NUP205: variants seen among roughly 807,000 people sequenced by gnomAD.
NUP205 encodes the protein nuclear pore complex protein Nup205.
A neutral mutation model predicts 253.8 loss-of-function variants in NUP205; 76 were observed. The observed-to-expected ratio is 0.30, with a 90% CI of 0.25 to 0.36. The LOEUF (loss-of-function observed/expected upper bound fraction) is 0.36, where lower values mean the gene tolerates loss of function less well. NUP205 is among the 10% of genes least tolerant of loss of function. The probability of loss-of-function intolerance (pLI) is 1.00; values close to 1 mark genes in which losing one functional copy is unlikely to be tolerated. For missense variants in NUP205, 2,162 were observed against 2,425.5 expected (o/e 0.89, Z 2.28); for synonymous variants, 832 against 850.1 (o/e 0.98, Z 0.37).
chr7:135,604,993 T>C lies in NUP205; in HGVS notation c.2823+533T>C, dbSNP rs562508077. Among the ~76,000 whole-genome samples, 4 of 152,312 alleles carry C rather than the reference T, an allele frequency of 2.6e-5. No individual in the cohort carries two copies. The South Asian group carries it at 8.3e-4, about 32-fold the overall frequency. ...TGCGGAATCTGCTTTTTTTTTTCTT[T>C]ATGAACATTTCATCCCATTGTATCT... On this transcript the variant is annotated intron_variant, in intron 19 of 42. Coordinates refer to ENST00000285968, the MANE Select transcript of NUP205 (RefSeq NM_015135.3).
chr7:135,565,323 C>T (rs1805720964), intron 1 of NUP205, among the ~76,000 whole-genome samples: 1 of 152,036 alleles, frequency 6.6e-6, no homozygotes, highest in African/African-American at 2.4e-5. Context: ...ATCATTAATA[C>T]CTTCCCTTTA....
intron 9 of NUP205, 51 bp from the exon 10 acceptor site, chr7:135,587,804 T>C (rs1806512248): frequency 6.4e-7 from 1 of 1,554,024 alleles, no homozygotes; most frequent in African/African-American, 1.4e-5. Context: ...TTATTGAAAG[T>C]AATTTTTCAG....
At chr7:135,614,868 A>G (rs1794322116) in intron 23 of NUP205, among the ~76,000 whole-genome samples, 1 of 152,196 alleles carries the variant, frequency 6.6e-6, no homozygotes, top group Admixed American at 6.5e-5. Context: ...GTTTTTTAAA[A>G]GTTTAGCTTG....
chr7:135,604,353 G>A lies in NUP205; in HGVS notation c.2716G>A (p.Gly906Ser), dbSNP rs1212584642. 6.2e-7 allele frequency: 1 copy of A among 1,610,644 alleles called. No homozygotes were observed. Among genetic ancestry groups the A allele is most frequent in the Admixed American group, 1.7e-5 (1 of 59,384 alleles). The change falls in exon 19 of 43, where the codon GGC becomes AGC. Residue 906 changes from glycine to serine, a missense_variant. By Grantham distance (56) the Gly-to-Ser change is moderately conservative. Around this residue, in one of 5 missense-constraint regions of NUP205, gnomAD observed 892 missense variants for 957.1 expected, o/e 0.93. Transcript: ENST00000285968. The stretch of plus-strand genomic sequence containing the variant: ...TTTTCTTTAAAGATACCTATATCAT[G>A]GCAATACTAATCCAGAATTGGCTTT... ...VVNIARYLYH[G>S]NTNPELAFES...
intron 7 of NUP205, among the ~76,000 whole-genome samples, chr7:135,583,321 A>C (rs920512120): frequency 5.9e-5 from 9 of 152,136 alleles, no homozygotes; most frequent in Admixed American, 5.9e-4. Flanking sequence ...TTATATTCAA[A>C]ATTTAAGAGC....
Position 135,597,420 on chromosome 7 carries a change from TA to T in NUP205, c.2064+5del, listed in dbSNP as rs1360133074. The T allele has an allele frequency of 1.9e-6, 3 of 1,598,948 alleles. No individual in the cohort carries two copies. Among genetic ancestry groups the T allele is most frequent in the Middle Eastern group, 1.7e-4 (1 of 6,030 alleles). Reference sequence around the variant, plus strand: ...CAAAGGCAAGCTATTGGTATTGAGGTAAAGTTTTCCTTTTAGTTTAAATGTT... The same window carrying T: ...CAAAGGCAAGCTATTGGTATTGAGGTAAGTTTTCCTTTTAGTTTAAATGTT... On this transcript the variant is annotated splice_donor_region_variant and intron_variant, in intron 14 of 42. Transcript: ENST00000285968.
intron 38 of NUP205, among the ~76,000 whole-genome samples, chr7:135,640,210 G>C (rs1397460431): frequency 6.6e-6 from 1 of 152,102 alleles, no homozygotes; most frequent in Non-Finnish European, 1.5e-5. Flanking sequence ...ATGTATCCCA[G>C]AACTTCAAGT....
rs2129490733 is a variant in NUP205, at chr7:135,607,232, T to C, written c.3071-15T>C. 1 of 1,593,138 alleles carries C rather than the reference T, an allele frequency of 6.3e-7. No individual in the cohort carries two copies. The highest frequency in any genetic ancestry group is 1.2e-5 in the South Asian group (1 of 86,486). On this transcript the variant is annotated splice_polypyrimidine_tract_variant and intron_variant, in intron 21 of 42. Transcript: ENST00000285968. ...TTCTAAAAGAAAAGTTGAATTTCTT[T>C]TTGGTTTCATGCAGGAGTGTTAGGT...
intron 2 of NUP205, 134 bp downstream of exon 2, chr7:135,571,381 A>T: frequency 2.4e-6 from 1 of 409,782 alleles, no homozygotes. Flanking sequence ...CAGTCTCATG[A>T]GGTCCTGATG....
intron 10 of NUP205, among the ~76,000 whole-genome samples, chr7:135,589,619 G>A (rs1303664951): frequency 6.6e-6 from 1 of 151,232 alleles, no homozygotes; most frequent in Non-Finnish European, 1.5e-5. Flanking sequence ...TATTGTTTCA[G>A]TGTTTTTCTC....
In NUP205 at chr7:135,571,245, C is replaced by G. The variant is rs924327711; in HGVS notation, c.169C>G (p.Pro57Ala). 2 of 1,392,374 alleles carry G rather than the reference C, an allele frequency of 1.4e-6. No individual in the cohort carries two copies. The highest frequency in any genetic ancestry group is 5.7e-5 in the Admixed American group (2 of 35,248). The allele number at this position is 1,392,374 out of a possible 1,614,324, so 86.3% of individuals were successfully genotyped here. The change falls in exon 2 of 43, where the codon CCG becomes GCG. Residue 57 changes from proline to alanine, a missense_variant and splice_region_variant. Coordinates refer to ENST00000285968, the MANE Select transcript of NUP205 (RefSeq NM_015135.3). ...TGACTTCATCTCATTGTTCAAAAAT[C>G]CGGTAAGAAATTTTCTTTTTCAGTT... ...KPDFISLFKN[P>A]PKNVQQHEKV...
chr7:135,610,134 A>C (rs994599367), intron 22 of NUP205, among the ~76,000 whole-genome samples: 1 of 152,124 alleles, frequency 6.6e-6, no homozygotes, highest in Admixed American at 6.5e-5. Flanking sequence ...ATTTTTGTTA[A>C]AGTTGTTCTA....
chr7:135,577,413 A>G (rs1267951671), intron 5 of NUP205, among the ~76,000 whole-genome samples: 1 of 152,172 alleles, frequency 6.6e-6, no homozygotes, highest in East Asian at 1.9e-4. Context: ...GGAACATTCA[A>G]AATTCACTGT....
rs376963563 is a variant in NUP205, at chr7:135,584,916, T to A, written c.1127T>A (p.Val376Glu). The part of the protein sequence containing the change: ...DNVFLFLMES[V>E]VVSEYFYQEE... ...GTTTTCCTGTTCCTCATGGAATCTG[T>A]AGTGGTATCAGAATACTTTTATCAG... is the stretch of plus-strand genomic sequence containing the variant. Residue 376 changes from valine (V) to glutamate (E), a missense_variant, in exon 8 of 43, where the codon GTA becomes GAA. Val to Glu is a moderately radical substitution (Grantham distance 121). Coordinates refer to ENST00000285968, the MANE Select transcript of NUP205 (RefSeq NM_015135.3). The A allele has an allele frequency of 6.2e-7, 1 of 1,613,520 alleles. No homozygotes were observed. Among genetic ancestry groups the A allele is most frequent in the African/African-American group, 1.3e-5 (1 of 74,934 alleles).
rs890620058 is a variant in NUP205 at position 135,610,178 on chromosome 7, T to C, written c.3195+2807T>C. 1.3e-5 allele frequency among the ~76,000 whole-genome samples: 2 copies of C among 152,236 alleles called. 1 individual carries two copies. The highest frequency in any genetic ancestry group is 3.8e-4 in the East Asian group (2 of 5,202). ...AACACTCTACTAGCCAAGGAAAACA[T>C]GTCCATACCAGCAGTTTACCAGTTT... On this transcript the variant is annotated intron_variant, in intron 22 of 42. Transcript: ENST00000285968.
chr7:135,632,713 A>G (rs1371485841), intron 35 of NUP205, among the ~76,000 whole-genome samples: 2 of 151,782 alleles, frequency 1.3e-5, no homozygotes, highest in Non-Finnish European at 2.9e-5. Context: ...CTAAGATGAT[A>G]CCAAGTCAGG....
Position 135,617,073 on chromosome 7 carries a change from CT to C in NUP205, c.3533-12del. 7 of 1,581,702 alleles carry C rather than the reference CT, an allele frequency of 4.4e-6. No homozygotes were observed. Among genetic ancestry groups the C allele is most frequent in the Non-Finnish European group, 5.2e-6 (6 of 1,161,754 alleles). On this transcript the variant is annotated splice_polypyrimidine_tract_variant and intron_variant, in intron 25 of 42. Coordinates refer to ENST00000285968, the MANE Select transcript of NUP205 (RefSeq NM_015135.3). ...CAATGTCCCAAGTAAAATCAAATTA[CT>C]TTTTATTATTTCTAGTACGTCGAAA...
Position 135,594,561 on chromosome 7 carries a change from C to A in NUP205, c.1845C>A (p.Arg615=). 3.8e-6 allele frequency: 6 copies of A among 1,598,236 alleles called. No homozygotes were observed. The highest frequency in any genetic ancestry group is 5.1e-6 in the Non-Finnish European group (6 of 1,174,822). Residue 615 remains arginine (R), a synonymous_variant, in exon 13 of 43, where the codon CGC becomes CGA. Transcript: ENST00000285968. ...TCAATTCTTAGAGTGAAAATGCTCG[C>A]TTGGCACTCTGTGAACACCCTCAGT... ...STIITWSENA[R]LALCEHPQWT...
At chr7:135,561,495 G>C (rs1216551219) in intron 1 of NUP205, among the ~76,000 whole-genome samples, 2 of 152,174 alleles carry the variant, frequency 1.3e-5, no homozygotes, top group Non-Finnish European at 2.9e-5. Flanking sequence ...GTCCTTCTGT[G>C]ATAGTCTGGT....
Sources: gnomAD v4.1 joint callset for allele counts (sites outside exome capture counted in the v4.1 genomes callset) on GRCh38, gnomAD v4.1.1 for gene constraint, gnomAD v4.1.1 regional missense constraint, MANE v1.5 for transcripts, NCBI Gene and HGNC (gene_info 2026-07-23, HGNC 2026-07-21) for gene names.